Variants in MTUS1 observed in about 807,000 individuals in gnomAD.
The protein encoded by MTUS1 is microtubule associated scaffold protein 1.
MTUS1 carries 109 observed loss-of-function variants against 120.8 expected under a neutral mutation model. The ratio of observed to expected loss-of-function variants is 0.90; its 90% CI spans 0.77 to 1.06. The LOEUF is 1.06. Among genes scored for constraint, MTUS1 ranks in the 50% least tolerant of loss-of-function variants. MTUS1 has a pLI of 0.00. For missense variants in MTUS1, 2,210 were observed against 1,486.3 expected (o/e 1.49, Z -8.01); for synonymous variants, 737 against 550.5 (o/e 1.34, Z -4.74).
In MTUS1 at chr8:17,643,863, G is replaced by A. The variant is rs1465709666; in HGVS notation, c.*2063C>T. The A allele has an allele frequency of 2.6e-5, 4 of 152,128 alleles. No individual in the cohort carries two copies. Among genetic ancestry groups the A allele is most frequent in the African/African-American group, 7.2e-5 (3 of 41,412 alleles). 9.4% of individuals were successfully genotyped at this position (152,128 alleles called of 1,614,324 possible). On this transcript the variant is annotated 3_prime_UTR_variant, in exon 15 of 15. Coordinates refer to ENST00000693296, the MANE Select transcript of MTUS1 (RefSeq NM_001363059.2). The stretch of plus-strand genomic sequence containing the variant: ...AATACACTTCCCATCACTACAAACT[G>A]AGCACAACTACAGTTGTCTACACAT...
At chr8:17,656,817 A>G (rs1341833548) in intron 8 of MTUS1, among the ~76,000 whole-genome samples, 2 of 151,716 alleles carry the variant, frequency 1.3e-5, no homozygotes, top group East Asian at 3.9e-4. Context: ...CACGCCTGTA[A>G]TCCCAGCACT....
At chr8:17,724,248 T>C in intron 3 of MTUS1, 1 of 321,060 alleles carries the variant, frequency 3.1e-6, no homozygotes, top group Non-Finnish European at 6.0e-6. Context: ...TAGGCTATCA[T>C]ATAAGAAATA....
intron 1 of MTUS1, among the ~76,000 whole-genome samples, chr8:17,783,413 A>G (rs7464619): frequency 0.27 from 41,052 of 152,052 alleles, 7,120 homozygotes; most frequent in African/African-American, 0.47. Context: ...AAGTCTCAGC[A>G]CTCCAGGACT....
At chr8:17,678,386 T>C (rs1034573077) in intron 7 of MTUS1, among the ~76,000 whole-genome samples, 10 of 152,038 alleles carry the variant, frequency 6.6e-5, no homozygotes, top group African/African-American at 2.4e-4. Flanking sequence ...GGTGGAAATC[T>C]GGATATAAAG....
At chr8:17,686,910 TAAG>T (rs974625469) in intron 6 of MTUS1, among the ~76,000 whole-genome samples, 2 of 152,192 alleles carry the variant, frequency 1.3e-5, no homozygotes, top group Non-Finnish European at 2.9e-5. Flanking sequence ...AAGTTAAATA[TAAG>T]AAGTAAATAA....
intron 2 of MTUS1, among the ~76,000 whole-genome samples, chr8:17,751,898 A>C (rs1347449835): frequency 1.6e-4 from 25 of 151,876 alleles, no homozygotes; most frequent in African/African-American, 5.6e-4. Flanking sequence ...AAAGCAAAAA[A>C]GAAAAAAGAG....
intron 1 of MTUS1, among the ~76,000 whole-genome samples, chr8:17,791,017 C>T (rs547415777): frequency 1.6e-4 from 24 of 152,182 alleles, no homozygotes; most frequent in African/African-American, 5.8e-4. Context: ...CATTTCAGCA[C>T]CAATGTATAG....
In MTUS1 at chr8:17,721,880, G is replaced by A. The variant is rs764654082; in HGVS notation, c.2449+1792C>T. 11 of 1,613,498 alleles carry A rather than the reference G, an allele frequency of 6.8e-6. No individual in the cohort carries two copies. The East Asian group carries it at 1.6e-4, about 23-fold the overall frequency. On this transcript the variant is annotated intron_variant, in intron 4 of 14. Coordinates refer to ENST00000693296, the MANE Select transcript of MTUS1 (RefSeq NM_001363059.2). ...GAAATATCAGTTTCTGTACAACTGC[G>A]AAATCCTCCTGGTACAGTCATTTAA...
rs759331155 is a variant in MTUS1 at position 17,755,762 on chromosome 8, T to C, written c.46A>G (p.Thr16Ala). 44 of 1,613,748 alleles carry C rather than the reference T, an allele frequency of 2.7e-5. No individual in the cohort carries two copies. Among genetic ancestry groups the C allele is most frequent in the East Asian group, 4.5e-5 (2 of 44,896 alleles). Residue 16 changes from threonine to alanine, a missense_variant, in exon 2 of 15, where the codon ACC becomes GCC. Thr to Ala is a moderately conservative substitution (Grantham distance 58). Coordinates refer to ENST00000693296, the MANE Select transcript of MTUS1 (RefSeq NM_001363059.2). Reference protein sequence around the residue: ...SDDKIEDELQTFFTSDKDGNT... With the variant: ...SDDKIEDELQAFFTSDKDGNT... ...CCATCTTTATCACTGGTAAAGAAGG[T>C]TTGCAATTCATCTTCTATTTTATCA... is the stretch of plus-strand genomic sequence containing the variant.
chr8:17,652,405 C>T (rs570197218), intron 12 of MTUS1, among the ~76,000 whole-genome samples: 1 of 152,226 alleles, frequency 6.6e-6, no homozygotes, highest in Admixed American at 6.5e-5. Flanking sequence ...ACCACATGTT[C>T]TACAATCAAC....
At chr8:17,662,507 C>T (rs1326874365) in intron 8 of MTUS1, among the ~76,000 whole-genome samples, 2 of 151,826 alleles carry the variant, frequency 1.3e-5, no homozygotes, top group Admixed American at 6.6e-5. Context: ...AGGTGCACAC[C>T]ACCACACTTG....
At chr8:17,730,853 G>C (rs2046525950) in intron 3 of MTUS1, among the ~76,000 whole-genome samples, 1 of 152,196 alleles carries the variant, frequency 6.6e-6, no homozygotes, top group Non-Finnish European at 1.5e-5. Context: ...AATGGATACA[G>C]GATTTCAGGG....
intron 3 of MTUS1, among the ~76,000 whole-genome samples, chr8:17,739,260 G>T (rs571758128): frequency 1.3e-5 from 2 of 152,102 alleles, no homozygotes; most frequent in Non-Finnish European, 2.9e-5. Flanking sequence ...TTGGGAGGCC[G>T]AGGCGGGTGG....
chr8:17,793,114 A>G (rs1305703584), intron 1 of MTUS1, among the ~76,000 whole-genome samples: 1 of 152,236 alleles, frequency 6.6e-6, no homozygotes, highest in African/African-American at 2.4e-5. Context: ...TCCCTAGTCA[A>G]AAGAAATTGT....
At chr8:17,700,320 A>AT (rs1226296296) in intron 6 of MTUS1, among the ~76,000 whole-genome samples, 2 of 151,996 alleles carry the variant, frequency 1.3e-5, no homozygotes, top group Non-Finnish European at 2.9e-5. Context: ...AACACAAAAA[A>AT]TTAGCTGGGC....
intron 1 of MTUS1, among the ~76,000 whole-genome samples, chr8:17,761,943 A>T (rs576022817): frequency 6.6e-6 from 1 of 152,214 alleles, no homozygotes; most frequent in Non-Finnish European, 1.5e-5. Context: ...AAAAAAGATG[A>T]CATTGGCACA....
At position 17,723,337 on chromosome 8, in the gene MTUS1, T is replaced by C. The variant is rs147982945; in HGVS notation, c.2449+335A>G. The C allele has an allele frequency of 5.7e-4, 190 of 334,520 alleles. 4 individuals are homozygous for C. Among genetic ancestry groups the C allele is most frequent in the Middle Eastern group, 2.1e-3 (2 of 962 alleles). The allele number at this position is 334,520 out of a possible 1,614,324, so 20.7% of individuals were successfully genotyped here. A position where few individuals can be genotyped will look rare whatever the true frequency, so the allele number is the denominator to read the frequency against. On this transcript the variant is annotated intron_variant, in intron 4 of 14. Coordinates refer to ENST00000693296, the MANE Select transcript of MTUS1 (RefSeq NM_001363059.2). ...CAAAGATTCCACAGGAGATAGTCTTTTGCAAAGTAAATGAAACTGAAATAA... is the reference window on the plus strand; with the variant it reads ...CAAAGATTCCACAGGAGATAGTCTTCTGCAAAGTAAATGAAACTGAAATAA...
At chr8:17,653,596 A>G in intron 10 of MTUS1, 98 bp from the exon 11 acceptor site, 1 of 842,614 alleles carries the variant, frequency 1.2e-6, no homozygotes, top group Non-Finnish European at 1.9e-6. Flanking sequence ...TTGATGATGA[A>G]GCCGTATGAC....
chr8:17,742,291 GT>G lies in MTUS1; in HGVS notation c.2287+1312del, dbSNP rs1237059839. Among the ~76,000 whole-genome samples, 235 of 94,684 alleles carry G rather than the reference GT, an allele frequency of 2.5e-3. 1 individual carries two copies. Among genetic ancestry groups the G allele is most frequent in the Middle Eastern group, 6.1e-3 (1 of 164 alleles). The allele number at this position is 94,684 out of a possible 152,430, so 62.1% of individuals were successfully genotyped here. A position where few individuals can be genotyped will look rare whatever the true frequency, so the allele number is the denominator to read the frequency against. ...GCTGTTTTTTTTTTTTGTTGTTGTTGTTTTTTTTTTTTTTTTTTTTAGAGAT... is the reference window on the plus strand; with the variant it reads ...GCTGTTTTTTTTTTTTGTTGTTGTTGTTTTTTTTTTTTTTTTTTTAGAGAT... On this transcript the variant is annotated intron_variant, in intron 3 of 14. Coordinates refer to ENST00000693296, the MANE Select transcript of MTUS1 (RefSeq NM_001363059.2).
Sources: allele counts gnomAD v4.1 joint callset (sites outside exome capture counted in the v4.1 genomes callset), GRCh38; gene constraint gnomAD v4.1.1; transcripts MANE v1.5; gene names NCBI Gene and HGNC (gene_info 2026-07-23, HGNC 2026-07-21).